PADI4: variants seen among roughly 807,000 people sequenced by gnomAD.
The protein encoded by PADI4 is peptidyl arginine deiminase 4.
PADI4 carries 62 observed loss-of-function variants against 75.0 expected under a neutral mutation model. That is an observed-to-expected ratio of 0.83 (90% CI 0.67 to 1.02). PADI4 has a LOEUF of 1.02. PADI4 is among the 50% of genes least tolerant of loss of function. The pLI is 0.00. For missense variants in PADI4, 845 were observed against 850.5 expected (o/e 0.99, Z 0.08); for synonymous variants, 361 against 348.1 (o/e 1.04, Z -0.41).
At chr1:17,325,475 A>G (rs2074103101) in intron 1 of PADI4, among the ~76,000 whole-genome samples, 1 of 146,684 alleles carries the variant, frequency 6.8e-6, no homozygotes, top group South Asian at 2.1e-4. Flanking sequence ...TTTCCTCTTT[A>G]CTTTATTAGT....
intron 15 of PADI4, among the ~76,000 whole-genome samples, chr1:17,360,012 G>A (rs1030674480): frequency 5.3e-5 from 8 of 152,220 alleles, no homozygotes; most frequent in African/African-American, 1.9e-4. Context: ...TCTTGAGGCC[G>A]GGTGCGGTGG....
chr1:17,350,848 A>T (rs1467934951), intron 10 of PADI4, among the ~76,000 whole-genome samples: 1 of 129,294 alleles, frequency 7.7e-6, no homozygotes, highest in Non-Finnish European at 1.7e-5. Context: ...ACAGCAGACA[A>T]TGAATAGAAC....
At chr1:17,322,847 C>A (rs2074054211) in intron 1 of PADI4, among the ~76,000 whole-genome samples, 1 of 151,972 alleles carries the variant, frequency 6.6e-6, no homozygotes, top group South Asian at 2.1e-4. Flanking sequence ...TTCTCCCCTT[C>A]TCCCCCTCCC....
chr1:17,343,300 C>T (rs182548184), intron 8 of PADI4, among the ~76,000 whole-genome samples: 3 of 152,300 alleles, frequency 2.0e-5, no homozygotes, highest in Admixed American at 1.3e-4. Context: ...TCCCTGAGGA[C>T]GGGGCCCATC....
chr1:17,356,241 A>G lies in PADI4; in HGVS notation c.1455+114A>G. 7.4e-7 allele frequency: 1 copy of G among 1,348,428 alleles called. No individual in the cohort carries two copies. The highest frequency in any genetic ancestry group is 2.4e-5 in the East Asian group (1 of 41,150). The allele number at this position is 1,348,428 out of a possible 1,614,324, so 83.5% of individuals were successfully genotyped here. A position where few individuals can be genotyped will look rare whatever the true frequency, so the allele number is the denominator to read the frequency against. ...TCTCCTTCACCCTTAGGATGGCAGT[A>G]GAGGAGGTGGCCAGCTTGGGTCCAA... On this transcript the variant is annotated intron_variant, in intron 12 of 15. Coordinates refer to ENST00000375448, the MANE Select transcript of PADI4 (RefSeq NM_012387.3). This position sits in a 1 kb window ranked among gnomAD's most constrained non-coding sequence, Gnocchi z 4.1.
intron 11 of PADI4, among the ~76,000 whole-genome samples, chr1:17,354,919 T>C (rs2074734470): frequency 6.6e-6 from 1 of 152,200 alleles, no homozygotes; most frequent in Admixed American, 6.5e-5. Flanking sequence ...GAATATTTAC[T>C]GAGCATCCAA....
intron 8 of PADI4, among the ~76,000 whole-genome samples, chr1:17,343,079 C>T (rs1401114823): frequency 2.6e-5 from 4 of 151,876 alleles, no homozygotes; most frequent in African/African-American, 4.8e-5. Context: ...CCCAGCTACT[C>T]GGGAGGCTGA....
chr1:17,354,678 G>A lies in PADI4; in HGVS notation c.1301G>A (p.Cys434Tyr), dbSNP rs531738255. 6.2e-7 allele frequency: 1 copy of A among 1,604,596 alleles called. No homozygotes were observed. Among genetic ancestry groups the A allele is most frequent in the Non-Finnish European group, 8.5e-7 (1 of 1,174,496 alleles). The change falls in exon 11 of 16, where the codon TGT (cysteine) becomes TAT (tyrosine). Residue 434 changes from cysteine to tyrosine, a missense_variant. Coordinates refer to ENST00000375448, the MANE Select transcript of PADI4 (RefSeq NM_012387.3). ...GGCAGGATTCTCTTCGGGGACAGCT[G>A]TTATCCCAGGTAAGGAGGGGAGTAA... ...PLGRILFGDS[C>Y]YPSNDSRQMH... is the part of the protein sequence containing the mutation.
intron 10 of PADI4, among the ~76,000 whole-genome samples, chr1:17,353,835 C>A (rs71644042): frequency 6.6e-6 from 1 of 152,128 alleles, no homozygotes; most frequent in Non-Finnish European, 1.5e-5. Context: ...GAAAAAGACA[C>A]GGAAATATAA....
At chr1:17,331,603 T>C (rs1338091910) in intron 2 of PADI4, among the ~76,000 whole-genome samples, 1 of 146,400 alleles carries the variant, frequency 6.8e-6, no homozygotes, top group Admixed American at 6.9e-5. Flanking sequence ...ATCGGTTTCC[T>C]GTGTCTGGTA....
intron 3 of PADI4, among the ~76,000 whole-genome samples, chr1:17,335,545 T>A (rs765976103): frequency 2.6e-5 from 4 of 152,202 alleles, no homozygotes; most frequent in Non-Finnish European, 5.9e-5. Flanking sequence ...TATCATGCTG[T>A]GGGGCACACG....
At chr1:17,363,366 T>G (rs949588820) in intron 15 of PADI4, among the ~76,000 whole-genome samples, 156 bp from the exon 16 acceptor site, 7 of 151,524 alleles carry the variant, frequency 4.6e-5, no homozygotes, top group African/African-American at 1.7e-4. Context: ...CAAGCGATCC[T>G]CCTGCCTCAG....
chr1:17,346,214 G>A lies in PADI4; in HGVS notation c.1047+75G>A. ...ACACTTGGGGGACCCGGGCTCCTGG[G>A]GTTCAGCCTGGTGCCTCACCGGCCA... On this transcript the variant is annotated intron_variant, in intron 9 of 15. Transcript: ENST00000375448. The surrounding 1 kb of genome is among the most constrained non-coding windows in gnomAD (Gnocchi z 4.3). 3 of 863,250 alleles carry A rather than the reference G, an allele frequency of 3.5e-6. No individual in the cohort carries two copies. The highest frequency in any genetic ancestry group is 4.2e-5 in the Admixed American group (2 of 47,302). 53.5% of individuals were successfully genotyped at this position (863,250 alleles called of 1,614,324 possible). A position where few individuals can be genotyped will look rare whatever the true frequency, so the allele number is the denominator to read the frequency against.
intron 8 of PADI4, among the ~76,000 whole-genome samples, chr1:17,344,295 G>A (rs1378093709): frequency 2.0e-5 from 3 of 152,174 alleles, no homozygotes; most frequent in African/African-American, 7.2e-5. Context: ...GAGGTGACTT[G>A]GGTGCTGTTA....
intron 1 of PADI4, among the ~76,000 whole-genome samples, chr1:17,327,816 G>A (rs905029311): frequency 3.3e-5 from 5 of 152,018 alleles, no homozygotes; most frequent in African/African-American, 1.2e-4. Flanking sequence ...AAAGTTCTGG[G>A]ATTACAAGCA....
intron 10 of PADI4, among the ~76,000 whole-genome samples, chr1:17,351,828 T>C (rs956492390): frequency 6.7e-6 from 1 of 148,452 alleles, no homozygotes; most frequent in Admixed American, 6.7e-5. Flanking sequence ...CAAGAGGGCC[T>C]GGAGGGGTAG....
Position 17,350,580 on chromosome 1 carries a change from C to T in PADI4, c.1155+2532C>T, listed in dbSNP as rs1423266826. 6.9e-5 allele frequency among the ~76,000 whole-genome samples: 9 copies of T among 130,830 alleles called. 3 individuals carry two copies. Among genetic ancestry groups the T allele is most frequent in the Non-Finnish European group, 1.6e-4 (9 of 57,556 alleles). The allele number at this position is 130,830 out of a possible 152,430, so 85.8% of individuals were successfully genotyped here. ...GCATCCATGAGCGTCCCCCACACAG[C>T]CCACTCTTGGGGGGCCACTTCTGCA... On this transcript the variant is annotated intron_variant, in intron 10 of 15. Coordinates refer to ENST00000375448, the MANE Select transcript of PADI4 (RefSeq NM_012387.3).
At chr1:17,341,884 G>C in intron 6 of PADI4, 59 bp from the exon 7 acceptor site, 1 of 1,346,058 alleles carries the variant, frequency 7.4e-7, no homozygotes, top group South Asian at 1.3e-5. Flanking sequence ...ACTAAGGAGA[G>C]GAGGAAAAGT....
chr1:17,333,877 G>A (rs750033490), intron 2 of PADI4, 66 bp from the exon 3 acceptor site: 5 of 1,251,764 alleles, frequency 4.0e-6, no homozygotes, highest in Non-Finnish European at 5.9e-6. Context: ...CCGGCACATA[G>A]GAGGGGGTCC....
Sources: gnomAD v4.1 joint callset for allele counts (sites outside exome capture counted in the v4.1 genomes callset) on GRCh38, gnomAD v4.1.1 for gene constraint, Gnocchi (gnomAD v3.1) non-coding constraint, MANE v1.5 for transcripts, NCBI Gene and HGNC (gene_info 2026-07-23, HGNC 2026-07-21) for gene names.